The following NEMP1 variants were observed in gnomAD, a reference collection of about 807,000 sequenced individuals.
NEMP1 encodes nuclear envelope integral membrane protein 1, also known as transmembrane protein 194.
NEMP1 carries 29 observed loss-of-function variants against 53.7 expected under a neutral mutation model. The ratio of observed to expected loss-of-function variants is 0.54; its 90% CI spans 0.40 to 0.74. NEMP1 has a LOEUF of 0.74. Ranked by LOEUF, NEMP1 falls within the 30% of genes least tolerant of loss-of-function variation. NEMP1 has a pLI of 0.00. For synonymous variants in NEMP1, 193 were observed against 192.9 expected, an observed-to-expected ratio of 1.00 and a Z score of 0.00; for missense variants, 477 against 528.6, an observed-to-expected ratio of 0.90 and a Z score of 0.96.
chr12:57,064,190 G>C lies in NEMP1; in HGVS notation c.640-5C>G. 2 of 1,578,698 alleles carry C rather than the reference G, an allele frequency of 1.3e-6. No individual in the cohort carries two copies. The highest frequency in any genetic ancestry group is 8.6e-7 in the Non-Finnish European group (1 of 1,158,622). On this transcript the variant is annotated splice_polypyrimidine_tract_variant and splice_region_variant and intron_variant, in intron 5 of 8. Transcript: ENST00000300128. Reference sequence around the variant, plus strand: ...GATGACGTAAATGGGACTTTTCTAAGACAGAGAGTAGAAGTGAAAGCAAAA... The same window carrying C: ...GATGACGTAAATGGGACTTTTCTAACACAGAGAGTAGAAGTGAAAGCAAAA...
At chr12:57,066,330 A>G (rs889619283) in intron 4 of NEMP1, among the ~76,000 whole-genome samples, 19 of 152,318 alleles carry the variant, frequency 1.2e-4, no homozygotes, top group Admixed American at 2.0e-4. Context: ...AACTCTCTCC[A>G]TATCAGCAAT....
chr12:57,060,266 C>T (rs2031737434), intron 8 of NEMP1, among the ~76,000 whole-genome samples: 1 of 152,136 alleles, frequency 6.6e-6, no homozygotes, highest in Admixed American at 6.5e-5. Flanking sequence ...AGGCTAATAC[C>T]CCTGCAACTC....
upstream of NEMP1, among the ~76,000 whole-genome samples, chr12:57,080,354 G>A (rs2032808288): frequency 6.6e-6 from 1 of 151,714 alleles, no homozygotes; most frequent in Admixed American, 6.6e-5. Flanking sequence ...CGAGGCGGGT[G>A]GATCAACTGA....
rs2031583562 is a variant in NEMP1, at chr12:57,057,484, T to TTTACCAGAACACAGAGGATCTGTGTTC, written c.*2394_*2395insGAACACAGATCCTCTGTGTTCTGGTAA. On this transcript the variant is annotated 3_prime_UTR_variant, in exon 9 of 9. Transcript: ENST00000300128. ...CCTAAAGAAGGTTGAAGTCAAGCAA[T>TTTACCAGAACACAGAGGATCTGTGTTC]CTCCGGAACACAGAGGATCTGAAGC... 6.6e-6 allele frequency: 1 copy of TTTACCAGAACACAGAGGATCTGTGTTC among 152,268 alleles called. No individual in the cohort carries two copies. Among genetic ancestry groups the TTTACCAGAACACAGAGGATCTGTGTTC allele is most frequent in the African/African-American group, 2.4e-5 (1 of 41,380 alleles). 9.4% of individuals were successfully genotyped at this position (152,268 alleles called of 1,614,324 possible). A position where few individuals can be genotyped will look rare whatever the true frequency, so the allele number is the denominator to read the frequency against.
intron 1 of NEMP1, 71 bp downstream of exon 1, chr12:57,078,548 C>G (rs887648381): frequency 1.3e-6 from 2 of 1,534,276 alleles, no homozygotes; most frequent in African/African-American, 2.7e-5. Context: ...CCCGCGCCCT[C>G]GGGACAATCC....
chr12:57,058,396 T>C lies in NEMP1; in HGVS notation c.*1483A>G, dbSNP rs2031633026. 1.3e-5 allele frequency: 2 copies of C among 152,252 alleles called. No individual in the cohort carries two copies. Among genetic ancestry groups the C allele is most frequent in the Non-Finnish European group, 2.9e-5 (2 of 68,054 alleles). The allele number at this position is 152,252 out of a possible 1,614,324, so 9.4% of individuals were successfully genotyped here. A position where few individuals can be genotyped will look rare whatever the true frequency, so the allele number is the denominator to read the frequency against. On this transcript the variant is annotated 3_prime_UTR_variant, in exon 9 of 9. Transcript: ENST00000300128. ...AGCCAGTAAGTCTGGTGCTGTGCGCTTGCCATGACCATCTATCTTCCTGGC... is the reference window on the plus strand; with the variant it reads ...AGCCAGTAAGTCTGGTGCTGTGCGCCTGCCATGACCATCTATCTTCCTGGC...
chr12:57,064,768 A>G, intron 4 of NEMP1, 29 bp from the exon 5 acceptor site: 1 of 1,528,524 alleles, frequency 6.5e-7, no homozygotes, highest in East Asian at 2.3e-5. Context: ...TTTCATGACC[A>G]TATGTATATA....
At chr12:57,084,531 A>G (rs1371261118) in intron 1 of NEMP1, among the ~76,000 whole-genome samples, 1 of 152,118 alleles carries the variant, frequency 6.6e-6, no homozygotes, top group East Asian at 1.9e-4. Context: ...CCATCTTTCA[A>G]CTGAGAGGGT....
At chr12:57,064,022 G>A (rs771001551) in intron 6 of NEMP1, 49 bp downstream of exon 6, 13 of 1,119,276 alleles carry the variant, frequency 1.2e-5, no homozygotes, top group Non-Finnish European at 1.7e-5. Flanking sequence ...CAAATTAACT[G>A]AAACAGCCTA....
At chr12:57,070,938 T>A in intron 2 of NEMP1, 45 bp from the exon 3 acceptor site, 2 of 1,511,636 alleles carry the variant, frequency 1.3e-6, no homozygotes, top group South Asian at 2.4e-5. Flanking sequence ...GAAGTAGGAA[T>A]TTTAATTTTT....
upstream of NEMP1, chr12:57,088,102 G>C (rs1205512226): frequency 1.3e-5 from 2 of 152,222 alleles, no homozygotes. Context: ...TAGACTCTCG[G>C]GCGAGGTCCC....
At chr12:57,068,100 TCCTC>T (rs1269930348) in intron 4 of NEMP1, among the ~76,000 whole-genome samples, 3 of 151,846 alleles carry the variant, frequency 2.0e-5, no homozygotes, top group African/African-American at 4.8e-5. Flanking sequence ...TACCAGTTAT[TCCTC>T]CCTGTTTCTC....
chr12:57,085,277 T>G (rs754922555), intron 1 of NEMP1, among the ~76,000 whole-genome samples: 1 of 152,172 alleles, frequency 6.6e-6, no homozygotes, highest in African/African-American at 2.4e-5. Context: ...ACTTCTGGGC[T>G]CAAATGTTCC....
chr12:57,083,869 G>T (rs1359444134), intron 1 of NEMP1, among the ~76,000 whole-genome samples: 2 of 152,252 alleles, frequency 1.3e-5, no homozygotes, highest in African/African-American at 4.8e-5. Flanking sequence ...TGCTTCCCAG[G>T]TTCAAGCGAT....
At chr12:57,077,002 A>G (rs953248474) in intron 1 of NEMP1, among the ~76,000 whole-genome samples, 1 of 152,034 alleles carries the variant, frequency 6.6e-6, no homozygotes, top group Non-Finnish European at 1.5e-5. Flanking sequence ...ACATCTGCAC[A>G]TACATTGGAA....
Position 57,060,871 on chromosome 12 carries a change from T to C in NEMP1, c.1055A>G (p.Glu352Gly). The C allele has an allele frequency of 6.2e-7, 1 of 1,614,162 alleles. No individual in the cohort carries two copies. The highest frequency in any genetic ancestry group is 1.1e-5 in the South Asian group (1 of 91,082). ...LTEEEYRIQG[E>G]VETRKALEEL... is the part of the protein sequence containing the mutation. The stretch of plus-strand genomic sequence containing the variant: ...CTCTAAAGCCTTTCGGGTTTCTACC[T>C]CTCCTTGTATCCGATATTCTTCTTC... The change falls in exon 8 of 9, where the codon GAG (glutamate) becomes GGG (glycine). Residue 352 changes from glutamate to glycine, a missense_variant. Transcript: ENST00000300128.
chr12:57,065,045 C>A (rs1371886128), intron 4 of NEMP1, among the ~76,000 whole-genome samples: 1 of 152,168 alleles, frequency 6.6e-6, no homozygotes, highest in African/African-American at 2.4e-5. Context: ...ATTAAAAATA[C>A]TTTGCTAAAA....
Position 57,060,931 on chromosome 12 carries a change from C to A in NEMP1, c.995G>T (p.Gly332Val), listed in dbSNP as rs545715954. 6.2e-7 allele frequency: 1 copy of A among 1,613,538 alleles called. No homozygotes were observed. The highest frequency in any genetic ancestry group is 1.3e-5 in the African/African-American group (1 of 74,982). ...LYITCRKVCK[G>V]AEKPVPPRLL... ...ACGAGGGGGAACAGGCTTTTCTGCTCCCTTACACACCTTTCTGTGCTCACC... is the reference window on the plus strand; with the variant it reads ...ACGAGGGGGAACAGGCTTTTCTGCTACCTTACACACCTTTCTGTGCTCACC... The change falls in exon 8 of 9, where the codon GGA becomes GTA. Residue 332 changes from glycine to valine, a missense_variant. Physicochemically the swap from Gly to Val is moderately radical, Grantham distance 109. Coordinates refer to ENST00000300128, the MANE Select transcript of NEMP1 (RefSeq NM_001130963.2).
At chr12:57,077,341 A>AC (rs2032681316) in intron 1 of NEMP1, among the ~76,000 whole-genome samples, 1 of 151,510 alleles carries the variant, frequency 6.6e-6, no homozygotes, top group African/African-American at 2.4e-5. Flanking sequence ...AAAAAAAAAA[A>AC]AAAAAAATTA....
Sources: gnomAD v4.1 joint callset for allele counts (sites outside exome capture counted in the v4.1 genomes callset) on GRCh38, gnomAD v4.1.1 for gene constraint, MANE v1.5 for transcripts, NCBI Gene and HGNC (gene_info 2026-07-23, HGNC 2026-07-21) for gene names.